C2CD2L: variants seen among roughly 807,000 people sequenced by gnomAD.
C2CD2L encodes C2CD2 like, also known as phospholipid transfer protein C2CD2L.
Under a neutral mutation model 69.9 loss-of-function variants are expected in C2CD2L, and 24 were observed. The ratio of observed to expected loss-of-function variants is 0.34; its 90% CI spans 0.25 to 0.48. The LOEUF is 0.48. Among genes scored for constraint, C2CD2L ranks in the 20% least tolerant of loss-of-function variants. The pLI is 0.99. For missense variants in C2CD2L, 811 were observed against 941.5 expected (o/e 0.86, Z 1.81); for synonymous variants, 367 against 391.0 (o/e 0.94, Z 0.72).
At position 119,116,119 on chromosome 11, in the gene C2CD2L, T is replaced by A; in HGVS notation, c.1984T>A (p.Ser662Thr). ...PRQKEAGLSQ[S>T]HDDLSNATAT... ...GCAGAAGGAAGCTGGCCTGAGCCAA[T>A]CACACGATGACCTCTCCAACGCAAC... is the stretch of plus-strand genomic sequence containing the variant. The change falls in exon 14 of 14, where the codon TCA (serine) becomes ACA (threonine). Residue 662 changes from serine to threonine, a missense_variant. Physicochemically the swap from Ser to Thr is moderately conservative, Grantham distance 58. Coordinates refer to ENST00000648610, the MANE Select transcript of C2CD2L (RefSeq NM_001290474.2). The A allele has an allele frequency of 6.2e-7, 1 of 1,614,148 alleles. No individual in the cohort carries two copies. The highest frequency in any genetic ancestry group is 8.5e-7 in the Non-Finnish European group (1 of 1,180,020).
Position 119,112,353 on chromosome 11 carries a change from C to G in C2CD2L, c.1045C>G (p.Leu349Val), listed in dbSNP as rs766902383. The change falls in exon 8 of 14, where the codon CTG (leucine) becomes GTG (valine). Residue 349 changes from leucine (L) to valine (V), a missense_variant. Coordinates refer to ENST00000648610, the MANE Select transcript of C2CD2L (RefSeq NM_001290474.2). Reference sequence around the variant, plus strand: ...GGATCTGGGCCCCCAGAGCCGGGAGCTGACCCTCAAAGTGCTGAGGAGCAG... The same window carrying G: ...GGATCTGGGCCCCCAGAGCCGGGAGGTGACCCTCAAAGTGCTGAGGAGCAG... ...ALDLGPQSRE[L>V]TLKVLRSSSC... is the part of the protein sequence containing the mutation. The G allele has an allele frequency of 2.5e-5, 41 of 1,613,128 alleles. No individual in the cohort carries two copies. The highest frequency in any genetic ancestry group is 1.0e-4 in the Admixed American group (6 of 59,968).
intron 10 of C2CD2L, 27 bp from the exon 11 acceptor site, chr11:119,113,584 G>A: frequency 6.2e-7 from 1 of 1,601,408 alleles, no homozygotes; most frequent in Non-Finnish European, 8.5e-7. Context: ...GCAACTCCCA[G>A]CTCACTGACC....
rs368439177 is a variant in C2CD2L, at chr11:119,116,291, C to A, written c.*35C>A. 14 of 1,509,852 alleles carry A rather than the reference C, an allele frequency of 9.3e-6. No individual in the cohort carries two copies. In the African/African-American group the frequency reaches 1.5e-4, roughly 16 times the overall value. The allele number at this position is 1,509,852 out of a possible 1,614,324, so 93.5% of individuals were successfully genotyped here. A position where few individuals can be genotyped will look rare whatever the true frequency, so the allele number is the denominator to read the frequency against. On this transcript the variant is annotated 3_prime_UTR_variant, in exon 14 of 14. Transcript: ENST00000648610. ...TCTGAAAGGGCACGAGTTCTCTCAG[C>A]CCATTCCCCACCTCCCCTTCCATAC...
upstream of C2CD2L, among the ~76,000 whole-genome samples, chr11:119,104,673 T>C (rs570566224): frequency 6.6e-6 from 1 of 152,366 alleles, no homozygotes; most frequent in East Asian, 1.9e-4. Context: ...CCAGTTGACT[T>C]GTCAGTGGCC....
chr11:119,113,711 C>A lies in C2CD2L; in HGVS notation c.1488C>A (p.Ser496Arg). The stretch of plus-strand genomic sequence containing the variant: ...CCAGCAATACCTCCCATAGCAGCAG[C>A]CGTGAGTGGGGAATGGGGTGCATGA... The part of the protein sequence containing the change: ...SGPSNTSHSS[S>R]RDSHLSNGLD... Residue 496 changes from serine (S) to arginine (R), a missense_variant and splice_region_variant, in exon 11 of 14, where the codon AGC (serine) becomes AGA (arginine). Transcript: ENST00000648610. 6.2e-7 allele frequency: 1 copy of A among 1,613,982 alleles called. No individual in the cohort carries two copies. Among genetic ancestry groups the A allele is most frequent in the Non-Finnish European group, 8.5e-7 (1 of 1,179,944 alleles).
In C2CD2L at chr11:119,116,240, C is replaced by T. The variant is rs1403404235; in HGVS notation, c.2105C>T (p.Pro702Leu). 2 of 1,614,018 alleles carry T rather than the reference C, an allele frequency of 1.2e-6. No individual in the cohort carries two copies. Among genetic ancestry groups the T allele is most frequent in the Non-Finnish European group, 8.5e-7 (1 of 1,179,854 alleles). ...FKSKPKANGN[P>L]SPQL The stretch of plus-strand genomic sequence containing the variant: ...TCCAAACCCAAGGCCAATGGTAACC[C>T]CAGCCCCCAGCTCTGAGGACCCAGC... The change falls in exon 14 of 14, where the codon CCC becomes CTC. Residue 702 changes from proline (P) to leucine (L), a missense_variant. Coordinates refer to ENST00000648610, the MANE Select transcript of C2CD2L (RefSeq NM_001290474.2).
rs371031696 is a variant in C2CD2L, at chr11:119,112,667, G to A, written c.1213-33G>A. 43 of 1,609,794 alleles carry A rather than the reference G, an allele frequency of 2.7e-5. No homozygotes were observed. In the African/African-American group the frequency reaches 4.4e-4, roughly 17 times the overall value. On this transcript the variant is annotated intron_variant, in intron 9 of 13. Coordinates refer to ENST00000648610, the MANE Select transcript of C2CD2L (RefSeq NM_001290474.2). ...ACACAGGGGATGGGCAGTCTCCGAG[G>A]CTCTGTCTCTTCTCTCTCCCACCCC...
intron 7 of C2CD2L, chr11:119,111,911 G>C (rs543991447): frequency 3.3e-5 from 15 of 455,732 alleles, no homozygotes; most frequent in African/African-American, 1.2e-4. Context: ...GTGCCTAGGT[G>C]GGGGGGAGAT....
In C2CD2L at chr11:119,113,892, A is replaced by T; in HGVS notation, c.1527A>T (p.Ala509=). The part of the protein sequence containing the change: ...SHLSNGLDPV[A]ETAIRQLTEP... ...TTTCCAACGGCTTGGACCCTGTAGC[A>T]GAGACAGCGATTCGCCAGCTGACAG... Residue 509 remains alanine, a synonymous_variant, in exon 12 of 14, where the codon GCA becomes GCT. Transcript: ENST00000648610. 6.2e-7 allele frequency: 1 copy of T among 1,614,154 alleles called. No individual in the cohort carries two copies. The highest frequency in any genetic ancestry group is 8.5e-7 in the Non-Finnish European group (1 of 1,180,026).
chr11:119,113,611 A>G lies in C2CD2L; in HGVS notation c.1388A>G (p.Asp463Gly). ...TCACTGACCCTCCCCCACCCACCAG[A>G]CTCCCCCTCCCGCTCCCCGTCCAAG... ...QSRPRIDGKL[D>G]SPSRSPSKVE... The change falls in exon 11 of 14, where the codon GAC (aspartate) becomes GGC (glycine). Residue 463 changes from aspartate (D) to glycine (G), a missense_variant and splice_region_variant. Physicochemically the swap from Asp to Gly is moderately conservative, Grantham distance 94 (BLOSUM62 -1). Coordinates refer to ENST00000648610, the MANE Select transcript of C2CD2L (RefSeq NM_001290474.2). The G allele has an allele frequency of 6.2e-7, 1 of 1,608,808 alleles. No homozygotes were observed. Among genetic ancestry groups the G allele is most frequent in the South Asian group, 1.1e-5 (1 of 90,780 alleles).
rs746362654 is a variant in C2CD2L, at chr11:119,112,821, T to C, written c.1334T>C (p.Ile445Thr). Residue 445 changes from isoleucine to threonine, a missense_variant, in exon 10 of 14, where the codon ATT becomes ACT. Transcript: ENST00000648610. ...LDRTIMPDGT[I>T]VTTVTTVQSR... ...CGGACCATCATGCCCGATGGCACCA[T>C]TGTCACCACAGTCACCACTGTCCAG... 7.4e-6 allele frequency: 12 copies of C among 1,613,908 alleles called. No homozygotes were observed. In the East Asian group the frequency reaches 1.6e-4, roughly 21 times the overall value.
chr11:119,109,221 C>T lies in C2CD2L; in HGVS notation c.355-883C>T, dbSNP rs1946670987. 6.6e-6 allele frequency among the ~76,000 whole-genome samples: 1 copy of T among 152,206 alleles called. No homozygotes were observed. On this transcript the variant is annotated intron_variant, in intron 1 of 13. Transcript: ENST00000648610. The surrounding 1 kb of genome is among the most constrained non-coding windows in gnomAD (Gnocchi z 5.1). The stretch of plus-strand genomic sequence containing the variant: ...ACAGCTACCAGAGCAAAGGAGTTGG[C>T]TTCCCCTGGTTTGCCAAGCAAATGA...
upstream of C2CD2L, among the ~76,000 whole-genome samples, chr11:119,105,833 G>A (rs1946575305): frequency 6.6e-6 from 1 of 152,126 alleles, no homozygotes; most frequent in South Asian, 2.1e-4. Context: ...GAGGGTTCCT[G>A]AAGGATTCTT....
intron 1 of C2CD2L, chr11:119,108,384 C>A: frequency 2.8e-6 from 1 of 357,658 alleles, no homozygotes; most frequent in Non-Finnish European, 5.0e-6. Context: ...GCACTTCCGC[C>A]TTGCCTGGGT....
In C2CD2L at chr11:119,114,615, A is replaced by C. The variant is rs11217153; in HGVS notation, c.1909+250A>C. On this transcript the variant is annotated intron_variant, in intron 13 of 13. Transcript: ENST00000648610. This position sits in a 1 kb window ranked among gnomAD's most constrained non-coding sequence, Gnocchi z 5.1. ...TCCATTGTTCTTTCTTCCTGAGTCT[A>C]AGTGCCATTTTTCCTGCCCTTTAAA... 76,288 of 522,020 alleles carry C rather than the reference A, an allele frequency of 0.15. 6,290 individuals carry two copies. Among genetic ancestry groups the C allele is most frequent in the Non-Finnish European group, 0.18 (53,233 of 294,188 alleles). 32.3% of individuals were successfully genotyped at this position (522,020 alleles called of 1,614,324 possible).
upstream of C2CD2L, among the ~76,000 whole-genome samples, chr11:119,106,361 T>G (rs569894289): frequency 6.6e-6 from 1 of 152,336 alleles, no homozygotes; most frequent in South Asian, 2.1e-4. Flanking sequence ...CCTTCCCACA[T>G]GTATGAAGAA....
chr11:119,115,990 C>T, intron 13 of C2CD2L, 55 bp from the exon 14 acceptor site: 4 of 1,441,064 alleles, frequency 2.8e-6, no homozygotes, highest in Non-Finnish European at 3.9e-6. Flanking sequence ...TCTCTGCCCC[C>T]GTCTCACCCC....
At position 119,113,951 on chromosome 11, in the gene C2CD2L, C is replaced by T; in HGVS notation, c.1586C>T (p.Thr529Ile). 6.2e-7 allele frequency: 1 copy of T among 1,614,128 alleles called. No individual in the cohort carries two copies. The highest frequency in any genetic ancestry group is 8.5e-7 in the Non-Finnish European group (1 of 1,180,006). ...GGGCGGGTGGCCAAGAAGACACCCACCAAGCGCAGCACTCTCATCATCTCT... is the reference window on the plus strand; with the variant it reads ...GGGCGGGTGGCCAAGAAGACACCCATCAAGCGCAGCACTCTCATCATCTCT... ...PSGRVAKKTP[T>I]KRSTLIISGV... is the part of the protein sequence containing the mutation. Residue 529 changes from threonine to isoleucine, a missense_variant, in exon 12 of 14, where the codon ACC becomes ATC. Transcript: ENST00000648610.
Position 119,110,533 on chromosome 11 carries a change from C to A in C2CD2L, c.451-28C>A. 4 of 1,599,420 alleles carry A rather than the reference C, an allele frequency of 2.5e-6. No individual in the cohort carries two copies. Among genetic ancestry groups the A allele is most frequent in the East Asian group, 2.2e-5 (1 of 44,484 alleles). On this transcript the variant is annotated intron_variant, in intron 2 of 13. Transcript: ENST00000648610. The surrounding 1 kb of genome is among the most constrained non-coding windows in gnomAD (Gnocchi z 5.7). Reference sequence around the variant, plus strand: ...CAAAGCAGGGTGAGCACCCTTCCCCCACATCTGACCCACCTCGCCGGTCTC... The same window carrying A: ...CAAAGCAGGGTGAGCACCCTTCCCCAACATCTGACCCACCTCGCCGGTCTC...
Sources: allele counts gnomAD v4.1 joint callset (sites outside exome capture counted in the v4.1 genomes callset), GRCh38; gene constraint gnomAD v4.1.1; non-coding constraint Gnocchi (gnomAD v3.1); transcripts MANE v1.5; gene names NCBI Gene and HGNC (gene_info 2026-07-23, HGNC 2026-07-21).